The following GBE1 variants were observed in gnomAD, a reference collection of about 807,000 sequenced individuals.
GBE1 encodes the protein 1,4-alpha-glucan branching enzyme 1, also known as 1,4-alpha-glucan-branching enzyme.
GBE1 carries 70 observed loss-of-function variants against 88.8 expected under a neutral mutation model. The observed-to-expected ratio is 0.79, with a 90% CI of 0.65 to 0.96. The LOEUF is 0.96. GBE1 is among the 40% of genes least tolerant of loss of function. The probability of loss-of-function intolerance (pLI) is 0.00; values close to 1 mark genes in which losing one functional copy is unlikely to be tolerated. For synonymous variants in GBE1, 284 were observed against 300.1 expected (o/e 0.95, Z 0.56); for missense variants, 872 against 871.0 (o/e 1.00, Z -0.01).
chr3:81,684,326 A>G (rs923594669), intron 2 of GBE1, among the ~76,000 whole-genome samples: 3 of 152,226 alleles, frequency 2.0e-5, no homozygotes, highest in Non-Finnish European at 4.4e-5. Flanking sequence ...TAGACAACTC[A>G]GGCTGCTATA....
chr3:81,551,710 T>C (rs1703273570), intron 12 of GBE1, among the ~76,000 whole-genome samples: 1 of 152,170 alleles, frequency 6.6e-6, no homozygotes, highest in African/African-American at 2.4e-5. Flanking sequence ...AAAACAAAAC[T>C]GCTCTGACCA....
chr3:81,588,571 T>C (rs986394436), intron 9 of GBE1, among the ~76,000 whole-genome samples: 97 of 150,134 alleles, frequency 6.5e-4, no homozygotes, highest in African/African-American at 2.3e-3. Context: ...TTTTTTTGGA[T>C]AAACATAGAA....
intron 1 of GBE1, among the ~76,000 whole-genome samples, chr3:81,725,004 G>A (rs943811600): frequency 6.6e-6 from 1 of 152,066 alleles, no homozygotes; most frequent in African/African-American, 2.4e-5. Flanking sequence ...TTGGACACAA[G>A]GCCTACAAAT....
chr3:81,623,162 T>C (rs1704355642), intron 7 of GBE1, among the ~76,000 whole-genome samples: 1 of 152,212 alleles, frequency 6.6e-6, no homozygotes, highest in Non-Finnish European at 1.5e-5. Context: ...CAAGGTTTTA[T>C]ATGATCTGAC....
At chr3:81,547,298 G>A (rs2106887652) in intron 12 of GBE1, among the ~76,000 whole-genome samples, 1 of 151,520 alleles carries the variant, frequency 6.6e-6, no homozygotes, top group Middle Eastern at 3.4e-3. Flanking sequence ...GGGGTTAGTG[G>A]ACCCTCTTAG....
chr3:81,613,503 G>C (rs1197636410), intron 7 of GBE1, among the ~76,000 whole-genome samples: 1 of 151,750 alleles, frequency 6.6e-6, no homozygotes, highest in African/African-American at 2.4e-5. Context: ...TGGACAGTTA[G>C]CATATACCAA....
chr3:81,649,521 A>AC (rs1704814941), intron 4 of GBE1, among the ~76,000 whole-genome samples: 1 of 151,954 alleles, frequency 6.6e-6, no homozygotes, highest in Admixed American at 6.6e-5. Context: ...TTAAAAAAAA[A>AC]ACCAGTATCC....
At chr3:81,520,450 G>T (rs1200626127) in intron 14 of GBE1, among the ~76,000 whole-genome samples, 1 of 151,402 alleles carries the variant, frequency 6.6e-6, no homozygotes, top group Non-Finnish European at 1.5e-5. Flanking sequence ...TTTAAAATGT[G>T]GTATAATCAT....
chr3:81,612,544 T>G, intron 7 of GBE1: 4 of 823,672 alleles, frequency 4.9e-6, no homozygotes, highest in Non-Finnish European at 8.1e-6. Flanking sequence ...GTGCGAACAC[T>G]GGTGGATGGT....
At chr3:81,698,601 A>G (rs1705638480) in intron 2 of GBE1, among the ~76,000 whole-genome samples, 1 of 152,172 alleles carries the variant, frequency 6.6e-6, no homozygotes, top group Non-Finnish European at 1.5e-5. Context: ...CTTTCCTGTC[A>G]TAGTCATAGA....
chr3:81,694,573 C>T (rs1259457109), intron 2 of GBE1, among the ~76,000 whole-genome samples: 1 of 152,102 alleles, frequency 6.6e-6, no homozygotes, highest in East Asian at 1.9e-4. Context: ...GAAGCAGAAG[C>T]CAAGGGAGCT....
intron 3 of GBE1, among the ~76,000 whole-genome samples, chr3:81,657,145 AAAACAAAAC>A (rs1311513379): frequency 3.3e-5 from 5 of 150,198 alleles, no homozygotes; most frequent in Non-Finnish European, 5.9e-5. Flanking sequence ...AAAAAAAAAA[AAAACAAAAC>A]AAAAAAAAAC....
intron 1 of GBE1, among the ~76,000 whole-genome samples, chr3:81,706,073 T>C (rs1324044376): frequency 6.6e-6 from 1 of 152,162 alleles, no homozygotes; most frequent in Non-Finnish European, 1.5e-5. Context: ...GCAAATATTT[T>C]AGGCTTTGTC....
chr3:81,621,487 T>G (rs1704332785), intron 7 of GBE1, among the ~76,000 whole-genome samples: 1 of 152,122 alleles, frequency 6.6e-6, no homozygotes, highest in African/African-American at 2.4e-5. Context: ...TTAAGGGAAG[T>G]CACAGCATGC....
intron 3 of GBE1, among the ~76,000 whole-genome samples, chr3:81,650,612 G>C (rs1198754083): frequency 6.6e-6 from 1 of 152,074 alleles, no homozygotes; most frequent in Non-Finnish European, 1.5e-5. Context: ...AAATGATTTT[G>C]AATTTATCCA....
chr3:81,595,609 A>C (rs1703946178), intron 7 of GBE1, among the ~76,000 whole-genome samples: 1 of 151,980 alleles, frequency 6.6e-6, no homozygotes, highest in African/African-American at 2.4e-5. Context: ...AAGATAAGTG[A>C]ATTATATTGC....
intron 7 of GBE1, among the ~76,000 whole-genome samples, chr3:81,641,800 T>C (rs1406270548): frequency 6.6e-6 from 1 of 151,818 alleles, no homozygotes; most frequent in African/African-American, 2.4e-5. Context: ...AATTATTTGC[T>C]GAGACATTTT....
rs1343836862 is a variant in GBE1, at chr3:81,629,444, A to G, written c.992+13337T>C. 2.6e-5 allele frequency among the ~76,000 whole-genome samples: 4 copies of G among 152,088 alleles called. No homozygotes were observed. In the East Asian group the frequency reaches 7.7e-4, roughly 29 times the overall value. ...AGTCTATTACATGTTTAATTTCTTA[A>G]GAGACATTTAGTACTTTTCATAAAA... On this transcript the variant is annotated intron_variant, in intron 7 of 15. Coordinates refer to ENST00000429644, the MANE Select transcript of GBE1 (RefSeq NM_000158.4).
chr3:81,662,936 G>A (rs770518651), intron 3 of GBE1, among the ~76,000 whole-genome samples: 1 of 152,182 alleles, frequency 6.6e-6, no homozygotes, highest in Non-Finnish European at 1.5e-5. Flanking sequence ...AAGCAAGTAC[G>A]TGAGGTAGAT....
Sources: gnomAD v4.1 joint callset for allele counts (sites outside exome capture counted in the v4.1 genomes callset) on GRCh38, gnomAD v4.1.1 for gene constraint, MANE v1.5 for transcripts, NCBI Gene and HGNC (gene_info 2026-07-23, HGNC 2026-07-21) for gene names.